TMC4: variants seen among roughly 807,000 people sequenced by gnomAD.
TMC4 encodes the protein voltage-gated chloride channel TMC4.
A neutral mutation model predicts 82.0 loss-of-function variants in TMC4; 70 were observed. The ratio of observed to expected loss-of-function variants is 0.85; its 90% CI spans 0.70 to 1.04. The LOEUF is 1.04. TMC4 is among the 50% of genes least tolerant of loss of function. The probability of loss-of-function intolerance (pLI) is 0.00; values close to 1 mark genes in which losing one functional copy is unlikely to be tolerated. For missense variants in TMC4, 879 were observed against 899.0 expected (o/e 0.98, Z 0.28); for synonymous variants, 446 against 406.0 (o/e 1.10, Z -1.18).
intron 11 of TMC4, among the ~76,000 whole-genome samples, chr19:54,161,791 C>T (rs890947358): frequency 2.0e-5 from 3 of 152,198 alleles, no homozygotes. Context: ...ATCCACCCGC[C>T]TTAGTCTCCC....
At chr19:54,165,350 C>A in intron 6 of TMC4, 69 bp downstream of exon 6, 1 of 1,483,162 alleles carries the variant, frequency 6.7e-7, no homozygotes, top group Non-Finnish European at 9.1e-7. Context: ...CGAGTTAGGC[C>A]CTGTGCGTTA....
chr19:54,167,377 G>C (rs193193676), intron 5 of TMC4, among the ~76,000 whole-genome samples: 31 of 151,990 alleles, frequency 2.0e-4, no homozygotes, highest in African/African-American at 6.8e-4. Context: ...GGCCAACATG[G>C]CGATACCCCG....
rs757512253 is a variant in TMC4, at chr19:54,165,584, G to C, written c.798-18C>G. ...ACACCGAGCTGAGAGGGGAGACCCG[G>C]GAGACGGGAAGTGAAAGGACAGCCA... On this transcript the variant is annotated intron_variant, in intron 5 of 14. Transcript: ENST00000619895. 2 of 1,589,870 alleles carry C rather than the reference G, an allele frequency of 1.3e-6. No individual in the cohort carries two copies. The highest frequency in any genetic ancestry group is 2.3e-5 in the East Asian group (1 of 44,250).
At chr19:54,169,708 G>A (rs1336666782) in intron 2 of TMC4, 48 bp from the exon 3 acceptor site, 7 of 1,602,612 alleles carry the variant, frequency 4.4e-6, no homozygotes, top group African/African-American at 1.3e-5. Flanking sequence ...GCCCCAGACT[G>A]GGAACCATCT....
chr19:54,160,423 T>G (rs1350910307), intron 14 of TMC4, 44 bp downstream of exon 14: 2 of 1,602,102 alleles, frequency 1.2e-6, no homozygotes, highest in African/African-American at 2.7e-5. Context: ...CCCAACCCCT[T>G]TCCATGTTCC....
intron 10 of TMC4, 131 bp from the exon 11 acceptor site, chr19:54,162,416 G>A (rs901777828): frequency 6.9e-6 from 5 of 727,802 alleles, no homozygotes; most frequent in African/African-American, 3.8e-5. Flanking sequence ...GGACTTTCAG[G>A]ACTCCACGTG....
intron 11 of TMC4, 114 bp downstream of exon 11, chr19:54,161,988 C>T (rs1265295294): frequency 1.5e-5 from 14 of 914,346 alleles, no homozygotes; most frequent in Non-Finnish European, 2.3e-5. Flanking sequence ...CTCCAACCCC[C>T]TCCTCTCTCA....
chr19:54,172,454 G>A (rs528057407), intron 1 of TMC4, among the ~76,000 whole-genome samples: 4 of 119,450 alleles, frequency 3.3e-5, no homozygotes, highest in African/African-American at 1.3e-4. Context: ...CAGGAGTCCA[G>A]GCCCCCGGCT....
At chr19:54,164,694 C>T in intron 6 of TMC4, 93 bp from the exon 7 acceptor site, 2 of 1,515,692 alleles carry the variant, frequency 1.3e-6, no homozygotes, top group South Asian at 1.2e-5. Flanking sequence ...TCCTCCTTAA[C>T]GTGAACTGAT....
chr19:54,163,708 C>G lies in TMC4; in HGVS notation c.1277+16G>C. The stretch of plus-strand genomic sequence containing the variant: ...CCACCCTTCATCATTCCCAGCCATC[C>G]CCGTGAGGCTGGAACCTGAGCAGGA... On this transcript the variant is annotated intron_variant, in intron 8 of 14. Transcript: ENST00000619895. 1 of 1,613,978 alleles carries G rather than the reference C, an allele frequency of 6.2e-7. No homozygotes were observed.
intron 6 of TMC4, chr19:54,164,813 C>T: frequency 3.2e-6 from 2 of 632,576 alleles, no homozygotes; most frequent in South Asian, 4.0e-5. Context: ...TCCAGCAACC[C>T]AAGCCCCCAT....
chr19:54,166,877 C>T lies in TMC4; in HGVS notation c.797+1294G>A, dbSNP rs560066904. Reference sequence around the variant, plus strand: ...TTGAGGCAGGAAAATTGCTTGAACCCGGGCGGCGGAGGTTGCAGTGAGCTG... The same window carrying T: ...TTGAGGCAGGAAAATTGCTTGAACCTGGGCGGCGGAGGTTGCAGTGAGCTG... On this transcript the variant is annotated intron_variant, in intron 5 of 14. Coordinates refer to ENST00000619895, the MANE Select transcript of TMC4 (RefSeq NM_144686.4). 1.3e-4 allele frequency among the ~76,000 whole-genome samples: 20 copies of T among 152,096 alleles called. No homozygotes were observed. In the South Asian group the frequency reaches 2.7e-3, roughly 21 times the overall value.
At position 54,160,272 on chromosome 19, in the gene TMC4, C is replaced by T. The variant is rs2075504782; in HGVS notation, c.*34G>A. 6.6e-7 allele frequency: 1 copy of T among 1,512,158 alleles called. No homozygotes were observed. The highest frequency in any genetic ancestry group is 8.8e-7 in the Non-Finnish European group (1 of 1,131,136). 93.7% of individuals were successfully genotyped at this position (1,512,158 alleles called of 1,614,324 possible). A position where few individuals can be genotyped will look rare whatever the true frequency, so the allele number is the denominator to read the frequency against. The stretch of plus-strand genomic sequence containing the variant: ...GTTGTGACCTAGGCTTACAATGGGC[C>T]TGGGGTCTGAAAGCGGGACGTGGGC... On this transcript the variant is annotated 3_prime_UTR_variant, in exon 15 of 15. Coordinates refer to ENST00000619895, the MANE Select transcript of TMC4 (RefSeq NM_144686.4).
In TMC4 at chr19:54,160,495, A is replaced by G. The variant is rs777966264; in HGVS notation, c.2024T>C (p.Ile675Thr). 15 of 1,614,032 alleles carry G rather than the reference A, an allele frequency of 9.3e-6. No homozygotes were observed. Among genetic ancestry groups the G allele is most frequent in the Non-Finnish European group, 1.3e-5 (15 of 1,180,018 alleles). ...VALANSYGRL[I>T]SELKRQRETE... ...CTCTCTCTGACGTTTGAGCTCAGAG[A>G]TGAGGCGTCCGTAGGAGTTAGCCAG... Residue 675 changes from isoleucine (I) to threonine (T), a missense_variant, in exon 14 of 15, where the codon ATC becomes ACC. Ile to Thr is a moderately conservative substitution (Grantham distance 89). Transcript: ENST00000619895.
At chr19:54,166,073 G>A (rs1404638276) in intron 5 of TMC4, among the ~76,000 whole-genome samples, 4 of 152,044 alleles carry the variant, frequency 2.6e-5, no homozygotes, top group African/African-American at 4.8e-5. Flanking sequence ...GAAGATGGCA[G>A]GTAAAGACTC....
chr19:54,161,204 C>A lies in TMC4; in HGVS notation c.1743G>T (p.Ala581=). 1 of 1,592,094 alleles carries A rather than the reference C, an allele frequency of 6.3e-7. No individual in the cohort carries two copies. The highest frequency in any genetic ancestry group is 8.5e-7 in the Non-Finnish European group (1 of 1,170,416). The part of the protein sequence containing the change: ...PAARTFRASA[A]NFFFPLVLLL... The stretch of plus-strand genomic sequence containing the variant: ...GAAGGACCAAGGGGAAAAAGAAATT[C>A]GCCGCGGAGGCCCGGAAGGTGCGGG... Residue 581 remains alanine, a synonymous_variant, in exon 12 of 15, where the codon GCG becomes GCT. Coordinates refer to ENST00000619895, the MANE Select transcript of TMC4 (RefSeq NM_144686.4).
Position 54,160,554 on chromosome 19 carries a change from G to C in TMC4, c.1974-9C>G. 2 of 1,613,986 alleles carry C rather than the reference G, an allele frequency of 1.2e-6. No individual in the cohort carries two copies. Among genetic ancestry groups the C allele is most frequent in the Non-Finnish European group, 1.7e-6 (2 of 1,179,996 alleles). On this transcript the variant is annotated splice_polypyrimidine_tract_variant and intron_variant, in intron 13 of 14. Transcript: ENST00000619895. Reference sequence around the variant, plus strand: ...TGTACGCCATCAGGATGCTGAAGGAGACAGGAACGGAAGCCACTCCTGACA... The same window carrying C: ...TGTACGCCATCAGGATGCTGAAGGACACAGGAACGGAAGCCACTCCTGACA...
chr19:54,167,428 C>G (rs996392142), intron 5 of TMC4, among the ~76,000 whole-genome samples: 1 of 150,178 alleles, frequency 6.7e-6, no homozygotes, highest in African/African-American at 2.4e-5. Context: ...GCGTGGTGGC[C>G]GGAGCCTGTA....
At position 54,163,661 on chromosome 19, in the gene TMC4, G is replaced by A. The variant is rs936257005; in HGVS notation, c.1277+63C>T. 6 of 1,575,752 alleles carry A rather than the reference G, an allele frequency of 3.8e-6. No individual in the cohort carries two copies. The African/African-American group carries it at 6.8e-5, about 18-fold the overall frequency. On this transcript the variant is annotated intron_variant, in intron 8 of 14. Coordinates refer to ENST00000619895, the MANE Select transcript of TMC4 (RefSeq NM_144686.4). ...GGATTTCCGTGTCTTACCTGTCAGC[G>A]CCAACATCCCTCTGACCGCCCCCAC...
Sources: gnomAD v4.1 joint callset for allele counts (sites outside exome capture counted in the v4.1 genomes callset) on GRCh38, gnomAD v4.1.1 for gene constraint, MANE v1.5 for transcripts, NCBI Gene and HGNC (gene_info 2026-07-23, HGNC 2026-07-21) for gene names.